HS2ST1: variants seen among roughly 807,000 people sequenced by gnomAD.
The protein encoded by HS2ST1 is heparan sulfate 2-O-sulfotransferase 1.
Under a neutral mutation model 42.9 loss-of-function variants are expected in HS2ST1, and 18 were observed. The ratio of observed to expected loss-of-function variants is 0.42; its 90% CI spans 0.29 to 0.62. The LOEUF is 0.62. HS2ST1 is among the 20% of genes least tolerant of loss of function. The pLI is 0.21. For missense variants in HS2ST1, 334 were observed against 433.8 expected (o/e 0.77, Z 2.04); for synonymous variants, 146 against 152.9 (o/e 0.95, Z 0.33).
intron 1 of HS2ST1, among the ~76,000 whole-genome samples, chr1:87,062,358 T>G (rs1464557646): frequency 6.6e-6 from 1 of 152,168 alleles, no homozygotes; most frequent in Non-Finnish European, 1.5e-5. Context: ...GTCTTTTTCA[T>G]GCTTGTTTTA....
In HS2ST1 at chr1:87,061,387, G is replaced by A. The variant is rs565184289; in HGVS notation, c.125-11547G>A. ...AAAGGAAACCCCATCACCGTTAATC[G>A]GGTGCTTTCCATTTCTCCCTCCCCC... On this transcript the variant is annotated intron_variant, in intron 1 of 6. Coordinates refer to ENST00000370550, the MANE Select transcript of HS2ST1 (RefSeq NM_012262.4). Among the ~76,000 whole-genome samples, 182 of 151,840 alleles carry A rather than the reference G, an allele frequency of 1.2e-3. 1 individual carries two copies. The highest frequency in any genetic ancestry group is 4.1e-3 in the African/African-American group (171 of 41,416).
rs147038688 is a variant in HS2ST1, at chr1:87,095,066, G to T, written c.588+2397G>T. Among the ~76,000 whole-genome samples, 425 of 152,140 alleles carry T rather than the reference G, an allele frequency of 2.8e-3. 1 individual carries two copies. Among genetic ancestry groups the T allele is most frequent in the African/African-American group, 9.7e-3 (404 of 41,530 alleles). ...CTTGTTTCTTATGATACACATGTTG[G>T]TAACCTAATGCTGATACCCTAATGA... On this transcript the variant is annotated intron_variant, in intron 4 of 6. Coordinates refer to ENST00000370550, the MANE Select transcript of HS2ST1 (RefSeq NM_012262.4).
intron 4 of HS2ST1, among the ~76,000 whole-genome samples, chr1:87,093,269 A>G (rs371588591): frequency 2.6e-5 from 4 of 152,062 alleles, no homozygotes; most frequent in African/African-American, 7.2e-5. Flanking sequence ...ACGATCTCAG[A>G]CCTAGCTCTC....
intron 1 of HS2ST1, among the ~76,000 whole-genome samples, chr1:87,029,425 T>C (rs921290340): frequency 1.3e-5 from 2 of 152,186 alleles, no homozygotes; most frequent in African/African-American, 4.8e-5. Context: ...TCAATAGTAA[T>C]TCTGAAAAAT....
chr1:87,049,692 T>A (rs1220084644), intron 1 of HS2ST1, among the ~76,000 whole-genome samples: 1 of 152,102 alleles, frequency 6.6e-6, no homozygotes, highest in Admixed American at 6.5e-5. Context: ...ATATGGTCTG[T>A]CTTATCAAAT....
At chr1:86,921,119 C>G (rs1354217672) in intron 1 of HS2ST1, among the ~76,000 whole-genome samples, 1 of 151,992 alleles carries the variant, frequency 6.6e-6, no homozygotes, top group African/African-American at 2.4e-5. Context: ...GTAAATGTTC[C>G]AGGTGAACGT....
intron 1 of HS2ST1, among the ~76,000 whole-genome samples, chr1:86,941,356 G>A (rs1213856758): frequency 2.7e-5 from 4 of 147,504 alleles, no homozygotes; most frequent in Non-Finnish European, 5.9e-5. Flanking sequence ...TTCTTGGGGA[G>A]GGGCTGCCAG....
At chr1:87,053,250 A>G (rs1367828902) in intron 1 of HS2ST1, among the ~76,000 whole-genome samples, 1 of 152,168 alleles carries the variant, frequency 6.6e-6, no homozygotes, top group Non-Finnish European at 1.5e-5. Context: ...TTAGCTTTGT[A>G]GACAGTTCTG....
intron 1 of HS2ST1, chr1:87,046,036 A>C: frequency 2.9e-6 from 2 of 678,654 alleles, no homozygotes; most frequent in South Asian, 1.4e-5. Context: ...CTGCAGTTTT[A>C]CCTGAAAGCT....
intron 1 of HS2ST1, among the ~76,000 whole-genome samples, chr1:86,963,365 A>T (rs1306287034): frequency 6.6e-6 from 1 of 152,130 alleles, no homozygotes; most frequent in Non-Finnish European, 1.5e-5. Flanking sequence ...ATGACTCCTA[A>T]GGAGCATGCC....
At chr1:87,018,016 A>G (rs1456164692) in intron 1 of HS2ST1, among the ~76,000 whole-genome samples, 6 of 152,222 alleles carry the variant, frequency 3.9e-5, no homozygotes, top group African/African-American at 1.2e-4. Context: ...TCATTGGCTT[A>G]CATCTTTATT....
In HS2ST1 at chr1:87,109,361, C is replaced by T. The variant is rs1652415116; in HGVS notation, c.*4665C>T. 5 of 152,024 alleles carry T rather than the reference C, an allele frequency of 3.3e-5. No individual in the cohort carries two copies. Among genetic ancestry groups the T allele is most frequent in the Admixed American group, 2.6e-4 (4 of 15,230 alleles). The allele number at this position is 152,024 out of a possible 1,614,324, so 9.4% of individuals were successfully genotyped here. ...TGTGACAATATTTTATCTGGACTGA[C>T]ATGCCTCTGCTGCTTTTGCTTTGTA... On this transcript the variant is annotated 3_prime_UTR_variant, in exon 7 of 7. Coordinates refer to ENST00000370550, the MANE Select transcript of HS2ST1 (RefSeq NM_012262.4).
rs555739121 is a variant in HS2ST1, at chr1:87,044,954, C to T, written c.125-27980C>T. 23 of 1,588,660 alleles carry T rather than the reference C, an allele frequency of 1.4e-5. No homozygotes were observed. In the Admixed American group the frequency reaches 3.6e-4, roughly 25 times the overall value. ...TTCAATCTAATGCTATGACATCATC[C>T]AGCTCTTCCTTCTGTTCTATACGTG... On this transcript the variant is annotated intron_variant, in intron 1 of 6. Coordinates refer to ENST00000370550, the MANE Select transcript of HS2ST1 (RefSeq NM_012262.4).
intron 1 of HS2ST1, among the ~76,000 whole-genome samples, chr1:86,945,724 C>T (rs1308660091): frequency 6.6e-6 from 1 of 152,104 alleles, no homozygotes; most frequent in Non-Finnish European, 1.5e-5. Flanking sequence ...AAATCTACTA[C>T]AGGAATATGA....
At chr1:86,950,135 A>T (rs1467795645) in intron 1 of HS2ST1, among the ~76,000 whole-genome samples, 2 of 152,260 alleles carry the variant, frequency 1.3e-5, no homozygotes, top group Non-Finnish European at 2.9e-5. Context: ...CTCTAACTTA[A>T]CATCAACATT....
chr1:87,100,234 C>G (rs1311170153), intron 5 of HS2ST1, among the ~76,000 whole-genome samples: 5 of 152,202 alleles, frequency 3.3e-5, no homozygotes, highest in African/African-American at 1.2e-4. Flanking sequence ...AGGTGGAATG[C>G]AAGCTCCTTC....
chr1:87,016,792 T>C (rs1649771787), intron 1 of HS2ST1, among the ~76,000 whole-genome samples: 1 of 152,138 alleles, frequency 6.6e-6, no homozygotes, highest in South Asian at 2.1e-4. Flanking sequence ...CTGGACCTGA[T>C]ACCTGTTGGA....
intron 1 of HS2ST1, among the ~76,000 whole-genome samples, chr1:86,968,293 G>A (rs985128194): frequency 2.6e-5 from 4 of 152,136 alleles, no homozygotes; most frequent in African/African-American, 9.7e-5. Context: ...TTCCTTTGAT[G>A]TGGGATTTAT....
At chr1:86,963,971 G>A (rs1302118620) in intron 1 of HS2ST1, among the ~76,000 whole-genome samples, 6 of 151,036 alleles carry the variant, frequency 4.0e-5, no homozygotes, top group African/African-American at 9.8e-5. Flanking sequence ...GTCGGCTGCC[G>A]GGCGGAGGGG....
Sources: gnomAD v4.1 joint callset for allele counts (sites outside exome capture counted in the v4.1 genomes callset) on GRCh38, gnomAD v4.1.1 for gene constraint, MANE v1.5 for transcripts, NCBI Gene and HGNC (gene_info 2026-07-23, HGNC 2026-07-21) for gene names.